SYNRG: variants seen among roughly 807,000 people sequenced by gnomAD.
SYNRG encodes the protein synergin gamma, also known as AP1 gamma subunit binding protein 1.
A neutral mutation model predicts 130.9 loss-of-function variants in SYNRG; 37 were observed. The observed-to-expected ratio is 0.28, with a 90% CI of 0.22 to 0.37. The LOEUF is 0.37. Among genes scored for constraint, SYNRG ranks in the 10% least tolerant of loss-of-function variants. The pLI, the probability that SYNRG is intolerant of heterozygous loss-of-function variation, is 1.00. For synonymous variants in SYNRG, 539 were observed against 568.1 expected (o/e 0.95, Z 0.73); for missense variants, 1,338 against 1,588.9 (o/e 0.84, Z 2.68).
At chr17:37,523,121 TTAATA>T (rs1415584605) in intron 19 of SYNRG, among the ~76,000 whole-genome samples, 1 of 152,164 alleles carries the variant, frequency 6.6e-6, no homozygotes, top group Non-Finnish European at 1.5e-5. Flanking sequence ...ACCACTATTT[TTAATA>T]TAATATATGT....
chr17:37,546,044 A>C (rs554858538), intron 14 of SYNRG, among the ~76,000 whole-genome samples: 111 of 152,352 alleles, frequency 7.3e-4, no homozygotes, highest in Non-Finnish European at 1.3e-3. Flanking sequence ...AGGTAGCTTA[A>C]AGTAAGAAAA....
chr17:37,520,733 G>T, intron 19 of SYNRG, 85 bp from the exon 20 acceptor site: 1 of 1,117,354 alleles, frequency 8.9e-7, no homozygotes, highest in Non-Finnish European at 1.4e-6. Flanking sequence ...ACCCCCAGCA[G>T]GCCTAGCGGC....
intron 1 of SYNRG, among the ~76,000 whole-genome samples, chr17:37,601,362 C>A (rs2063266280): frequency 6.6e-6 from 1 of 152,088 alleles, no homozygotes; most frequent in Non-Finnish European, 1.5e-5. Flanking sequence ...AGCCACCGCA[C>A]CTGGTCAAGG....
chr17:37,520,300 T>C, intron 20 of SYNRG, 86 bp from the exon 21 acceptor site: 3 of 1,564,840 alleles, frequency 1.9e-6, no homozygotes, highest in Non-Finnish European at 2.6e-6. Flanking sequence ...GTTCACCCTT[T>C]TCCCCTGACC....
At chr17:37,534,041 TCTC>T (rs1421862954) in intron 19 of SYNRG, among the ~76,000 whole-genome samples, 2 of 142,540 alleles carry the variant, frequency 1.4e-5, no homozygotes, top group Admixed American at 1.6e-4. Flanking sequence ...TTCAAGCAAT[TCTC>T]CTGCCTCAGC....
rs1278395677 is a variant in SYNRG, at chr17:37,602,406, A to C, written c.78-2003T>G. 5.9e-5 allele frequency among the ~76,000 whole-genome samples: 9 copies of C among 152,296 alleles called. No homozygotes were observed. In the East Asian group the frequency reaches 1.2e-3, roughly 20 times the overall value. On this transcript the variant is annotated intron_variant, in intron 1 of 21. Coordinates refer to ENST00000612223, the MANE Select transcript of SYNRG (RefSeq NM_007247.6). ...AAGGGCATATATCCAGTAACAAAACAACTAAGGACAAACTTGGAGAATTCT... is the reference window on the plus strand; with the variant it reads ...AAGGGCATATATCCAGTAACAAAACCACTAAGGACAAACTTGGAGAATTCT...
rs189992023 is a variant in SYNRG at position 37,524,946 on chromosome 17, A to T, written c.3667-4298T>A. On this transcript the variant is annotated intron_variant, in intron 19 of 21. Transcript: ENST00000612223. ...AAACTCTGAATCCTGAAATCAATCA[A>T]ATTAATAGAAGCCCCTTAATATCTG... 2.0e-5 allele frequency among the ~76,000 whole-genome samples: 3 copies of T among 152,316 alleles called. 1 individual carries two copies. The East Asian group carries it at 5.8e-4, about 29-fold the overall frequency.
intron 2 of SYNRG, among the ~76,000 whole-genome samples, chr17:37,596,864 A>G (rs1443213763): frequency 1.3e-5 from 2 of 152,124 alleles, no homozygotes; most frequent in African/African-American, 2.4e-5. Flanking sequence ...CCTGGGTTCA[A>G]GCCTCCCAAG....
At chr17:37,577,304 G>T in intron 7 of SYNRG, 76 bp downstream of exon 7, 2 of 1,323,284 alleles carry the variant, frequency 1.5e-6, no homozygotes, top group South Asian at 1.3e-5. Context: ...TTCATTTGAA[G>T]ATTAATGCTT....
chr17:37,540,541 A>G lies in SYNRG; in HGVS notation c.3205T>C (p.Ser1069Pro), dbSNP rs1323459735. ...CCAAGGCTCAAACTCCTCTTGTGTG[A>G]TCCTGGGAGAAGGGGATAATACAGT... ...LATFDLSVQG[S>P]HKRSLSLGDK... The change falls in exon 16 of 22, where the codon TCA (serine) becomes CCA (proline). Residue 1069 changes from serine to proline, a missense_variant and splice_region_variant. Ser to Pro is a moderately conservative substitution (Grantham distance 74). This residue lies in a region of SYNRG where 1,146 missense variants were observed against 1,342.3 expected (regional missense o/e 0.85). Transcript: ENST00000612223. 6 of 1,610,460 alleles carry G rather than the reference A, an allele frequency of 3.7e-6. No individual in the cohort carries two copies. Among genetic ancestry groups the G allele is most frequent in the Non-Finnish European group, 5.1e-6 (6 of 1,178,876 alleles).
chr17:37,564,745 A>C (rs1043875001), intron 11 of SYNRG, among the ~76,000 whole-genome samples: 1 of 152,228 alleles, frequency 6.6e-6, no homozygotes, highest in African/African-American at 2.4e-5. Flanking sequence ...AGATTATCAT[A>C]AACTAGGGAA....
intron 8 of SYNRG, among the ~76,000 whole-genome samples, chr17:37,572,946 C>G (rs2060543366): frequency 6.6e-6 from 1 of 152,102 alleles, no homozygotes; most frequent in African/African-American, 2.4e-5. Context: ...ACCTGAAATT[C>G]AAATTTAACT....
chr17:37,594,133 T>A (rs1242875122), intron 3 of SYNRG, among the ~76,000 whole-genome samples: 2 of 149,504 alleles, frequency 1.3e-5, no homozygotes, highest in Non-Finnish European at 3.0e-5. Context: ...ATTGTGTAAG[T>A]CATAAAATAA....
rs538210375 is a variant in SYNRG at position 37,572,115 on chromosome 17, G to A, written c.902-128C>T. On this transcript the variant is annotated intron_variant, in intron 8 of 21. Transcript: ENST00000612223. ...TTTAATAGAACCGAAGCCATGTCAG[G>A]GTTTAAATTGCTTTAAACATATTCA... is the stretch of plus-strand genomic sequence containing the variant. 7.7e-5 allele frequency: 60 copies of A among 779,600 alleles called. No individual in the cohort carries two copies. In the South Asian group the frequency reaches 1.1e-3, roughly 14 times the overall value. The allele number at this position is 779,600 out of a possible 1,614,324, so 48.3% of individuals were successfully genotyped here.
intron 9 of SYNRG, among the ~76,000 whole-genome samples, chr17:37,571,399 T>C (rs2060423825): frequency 6.6e-6 from 1 of 152,076 alleles, no homozygotes; most frequent in Admixed American, 6.6e-5. Context: ...CTGGCCAACA[T>C]GGTAAAACCC....
At chr17:37,572,097 G>A (rs1387050486) in intron 8 of SYNRG, 110 bp from the exon 9 acceptor site, 3 of 905,948 alleles carry the variant, frequency 3.3e-6, no homozygotes, top group Non-Finnish European at 5.1e-6. Context: ...TGCTTTAATA[G>A]AACCGAAGCC....
intron 19 of SYNRG, among the ~76,000 whole-genome samples, chr17:37,529,289 A>T (rs1240355091): frequency 6.6e-6 from 1 of 152,150 alleles, no homozygotes; most frequent in Non-Finnish European, 1.5e-5. Flanking sequence ...CAAAATAACA[A>T]AATCAAATTC....
intron 19 of SYNRG, among the ~76,000 whole-genome samples, chr17:37,529,214 C>G (rs76707716): frequency 6.6e-6 from 1 of 152,170 alleles, no homozygotes; most frequent in Non-Finnish European, 1.5e-5. Flanking sequence ...AAGGAGTAAG[C>G]GCCACCGTAT....
At chr17:37,582,198 A>C (rs1292660170) in intron 6 of SYNRG, among the ~76,000 whole-genome samples, 1 of 152,134 alleles carries the variant, frequency 6.6e-6, no homozygotes, top group Non-Finnish European at 1.5e-5. Context: ...TGTCTGAAAA[A>C]TGGAGACCCT....
Sources: gnomAD v4.1 joint callset for allele counts (sites outside exome capture counted in the v4.1 genomes callset) on GRCh38, gnomAD v4.1.1 for gene constraint, gnomAD v4.1.1 regional missense constraint, MANE v1.5 for transcripts, NCBI Gene and HGNC (gene_info 2026-07-23, HGNC 2026-07-21) for gene names.